The following NAALADL2 variants were observed in gnomAD, a reference collection of about 807,000 sequenced individuals.
NAALADL2 encodes the protein inactive N-acetylated-alpha-linked acidic dipeptidase-like protein 2.
NAALADL2 carries 76 observed loss-of-function variants against 87.2 expected under a neutral mutation model. The ratio of observed to expected loss-of-function variants is 0.87; its 90% CI spans 0.72 to 1.05. The LOEUF (loss-of-function observed/expected upper bound fraction) is 1.05. Ranked by LOEUF, NAALADL2 falls within the 50% of genes least tolerant of loss-of-function variation. NAALADL2 has a pLI of 0.00. For missense variants in NAALADL2, 1,089 were observed against 945.8 expected (o/e 1.15, Z -1.99); for synonymous variants, 354 against 331.0 (o/e 1.07, Z -0.75).
At chr3:175,330,961 A>T (rs944491415) in intron 5 of NAALADL2, among the ~76,000 whole-genome samples, 4 of 148,284 alleles carry the variant, frequency 2.7e-5, no homozygotes, top group African/African-American at 7.4e-5. Flanking sequence ...GAAATGAAAA[A>T]AGACATTACA....
chr3:175,019,955 A>C (rs1751359322), intron 1 of NAALADL2, among the ~76,000 whole-genome samples: 1 of 152,074 alleles, frequency 6.6e-6, no homozygotes, highest in African/African-American at 2.4e-5. Flanking sequence ...CAGAAATAAT[A>C]TGTGATCTTT....
At chr3:175,694,820 A>G (rs1737526606) in intron 11 of NAALADL2, among the ~76,000 whole-genome samples, 2 of 152,142 alleles carry the variant, frequency 1.3e-5, no homozygotes, top group South Asian at 2.1e-4. Flanking sequence ...CTGTTCAACT[A>G]TCAGATTTTT....
At chr3:175,244,969 T>A (rs1747697338) in intron 3 of NAALADL2, among the ~76,000 whole-genome samples, 1 of 152,180 alleles carries the variant, frequency 6.6e-6, no homozygotes, top group African/African-American at 2.4e-5. Flanking sequence ...CTTTTGTAAC[T>A]CATTTCCTCC....
chr3:175,658,627 G>T lies in NAALADL2; in HGVS notation c.1896+31241G>T, dbSNP rs1197785433. Among the ~76,000 whole-genome samples the T allele has an allele frequency of 3.3e-5, 5 of 152,054 alleles. No individual in the cohort carries two copies. The East Asian group carries it at 9.6e-4, about 29-fold the overall frequency. ...CAATCAGTTCTCCTAACCCAGAAAT[G>T]CTTCATATGGTTTCACAATTGATTT... On this transcript the variant is annotated intron_variant, in intron 11 of 13. Transcript: ENST00000454872.
chr3:175,807,186 AAAAAG>A lies in NAALADL2; in HGVS notation c.*3989_*3993del, dbSNP rs991347608. 2 of 151,866 alleles carry A rather than the reference AAAAAG, an allele frequency of 1.3e-5. No homozygotes were observed. Among genetic ancestry groups the A allele is most frequent in the African/African-American group, 4.8e-5 (2 of 41,378 alleles). The allele number at this position is 151,866 out of a possible 1,614,324, so 9.4% of individuals were successfully genotyped here. A position where few individuals can be genotyped will look rare whatever the true frequency, so the allele number is the denominator to read the frequency against. ...CTAAATGCTTATATAATTTCACTAAAAAAAGAAAAGCAGGTGCTGTGATTTAGAAC... is the reference window on the plus strand; with the variant it reads ...CTAAATGCTTATATAATTTCACTAAAAAAAGCAGGTGCTGTGATTTAGAAC... On this transcript the variant is annotated 3_prime_UTR_variant, in exon 14 of 14. Transcript: ENST00000454872.
At chr3:174,659,562 C>T (rs1031057647) in intron 2 of NAALADL2, among the ~76,000 whole-genome samples, 2 of 152,164 alleles carry the variant, frequency 1.3e-5, no homozygotes, top group African/African-American at 2.4e-5. Flanking sequence ...GATTCATTCT[C>T]CTTCTCTCTG....
intron 9 of NAALADL2, among the ~76,000 whole-genome samples, chr3:175,537,371 T>C (rs970331467): frequency 3.3e-5 from 5 of 152,308 alleles, no homozygotes; most frequent in African/African-American, 1.2e-4. Context: ...TTTGTTTTCT[T>C]TTGTGTATGA....
chr3:175,140,612 G>A (rs1729849451), intron 2 of NAALADL2, among the ~76,000 whole-genome samples: 1 of 152,090 alleles, frequency 6.6e-6, no homozygotes, highest in South Asian at 2.1e-4. Flanking sequence ...CATGGGGGGA[G>A]GTGCAAGAGC....
In NAALADL2 at chr3:175,519,894, G is replaced by A. The variant is rs188031423; in HGVS notation, c.1653+48136G>A. 9.9e-4 allele frequency among the ~76,000 whole-genome samples: 151 copies of A among 152,134 alleles called. 1 individual carries two copies. Among genetic ancestry groups the A allele is most frequent in the Middle Eastern group, 3.4e-3 (1 of 294 alleles). ...ATTTTTGACCATTTCACTAGGATAC[G>A]CAATTAATGACGTCAAATTTCAAAT... On this transcript the variant is annotated intron_variant, in intron 9 of 13. Transcript: ENST00000454872.
intron 1 of NAALADL2, among the ~76,000 whole-genome samples, chr3:174,506,433 C>T (rs1009301362): frequency 3.3e-5 from 5 of 151,880 alleles, no homozygotes; most frequent in African/African-American, 4.8e-5. Flanking sequence ...CACCTGCCTC[C>T]GCCTCCCAAA....
intron 3 of NAALADL2, among the ~76,000 whole-genome samples, chr3:175,250,922 C>A (rs895177536): frequency 9.9e-5 from 15 of 152,092 alleles, no homozygotes; most frequent in Admixed American, 7.2e-4. Context: ...TGTTAGCATG[C>A]CGTTGATAAA....
chr3:175,291,862 G>C (rs1171696324), intron 4 of NAALADL2, among the ~76,000 whole-genome samples: 1 of 152,122 alleles, frequency 6.6e-6, no homozygotes, highest in Non-Finnish European at 1.5e-5. Flanking sequence ...TATGCCTTGA[G>C]TGAATAAGAG....
At chr3:175,598,251 C>T (rs889438404) in intron 10 of NAALADL2, among the ~76,000 whole-genome samples, 1 of 151,934 alleles carries the variant, frequency 6.6e-6, no homozygotes. Context: ...AAATTACATA[C>T]AGTAGGCTGA....
intron 2 of NAALADL2, among the ~76,000 whole-genome samples, chr3:174,736,185 G>A (rs937663408): frequency 2.0e-5 from 3 of 152,132 alleles, no homozygotes; most frequent in African/African-American, 7.2e-5. Flanking sequence ...CTAGGTCTAG[G>A]AGGTCCACAG....
intron 6 of NAALADL2, among the ~76,000 whole-genome samples, chr3:175,462,056 A>G (rs1265123932): frequency 1.3e-5 from 2 of 152,174 alleles, no homozygotes; most frequent in East Asian, 3.9e-4. Flanking sequence ...GTCAAAGCCC[A>G]TTGAATATAC....
At chr3:174,669,264 GT>G (rs1241108150) in intron 2 of NAALADL2, among the ~76,000 whole-genome samples, 1 of 50,882 alleles carries the variant, frequency 2.0e-5, no homozygotes, top group Non-Finnish European at 3.5e-5. Flanking sequence ...TTTTGATGGG[GT>G]TTTTTTTTCT....
intron 2 of NAALADL2, among the ~76,000 whole-genome samples, chr3:174,702,908 G>A (rs1169459875): frequency 6.6e-6 from 1 of 152,196 alleles, no homozygotes; most frequent in Non-Finnish European, 1.5e-5. Flanking sequence ...TAAGGGAAAA[G>A]ATTAAGAGAT....
chr3:174,807,888 T>A (rs75673353), intron 3 of NAALADL2, among the ~76,000 whole-genome samples: 1,799 of 111,574 alleles, frequency 0.016, 20 homozygotes, highest in African/African-American at 0.039. Flanking sequence ...TGTGTGTGTG[T>A]GAGAGAGAGA....
In NAALADL2 at chr3:174,958,893, T is replaced by C. The variant is rs74604116; in HGVS notation, c.43+99443T>C. Among the ~76,000 whole-genome samples the C allele has an allele frequency of 5.7e-3, 863 of 152,220 alleles. 6 individuals are homozygous for C. The highest frequency in any genetic ancestry group is 0.02 in the African/African-American group (831 of 41,566). The stretch of plus-strand genomic sequence containing the variant: ...GATTGCTTATATTAGGTTTGTTTTA[T>C]GAGGCATTTATAAGCACTTAGCAGT... On this transcript the variant is annotated intron_variant, in intron 1 of 13. Coordinates refer to ENST00000454872, the MANE Select transcript of NAALADL2 (RefSeq NM_207015.3).
Sources: allele counts gnomAD v4.1 joint callset (sites outside exome capture counted in the v4.1 genomes callset), GRCh38; gene constraint gnomAD v4.1.1; transcripts MANE v1.5; gene names NCBI Gene and HGNC (gene_info 2026-07-23, HGNC 2026-07-21).